The following KRT84 variants were observed in gnomAD, a reference collection of about 807,000 sequenced individuals.
The protein encoded by KRT84 is keratin 84, also known as keratin, type II cuticular Hb4.
Under a neutral mutation model 49.0 loss-of-function variants are expected in KRT84, and 38 were observed. The ratio of observed to expected loss-of-function variants is 0.78; its 90% CI spans 0.60 to 1.02. KRT84 has a LOEUF of 1.02. Among genes scored for constraint, KRT84 ranks in the 50% least tolerant of loss-of-function variants. The probability of loss-of-function intolerance (pLI) is 0.00; values close to 1 mark genes in which losing one functional copy is unlikely to be tolerated. For missense variants in KRT84, 860 were observed against 788.6 expected, an observed-to-expected ratio of 1.09 and a Z score of -1.08; for synonymous variants, 334 against 312.8, an observed-to-expected ratio of 1.07 and a Z score of -0.72.
chr12:52,385,942 G>T (rs1009597206), upstream of KRT84, among the ~76,000 whole-genome samples: 21 of 152,072 alleles, frequency 1.4e-4, no homozygotes, highest in African/African-American at 4.3e-4. Flanking sequence ...ACATTAATTT[G>T]CTTTGGTCAT....
rs751052503 is a variant in KRT84, at chr12:52,381,355, G to C, written c.1077+6C>G. 3.6e-5 allele frequency: 58 copies of C among 1,614,024 alleles called. No homozygotes were observed. Among genetic ancestry groups the C allele is most frequent in the Non-Finnish European group, 4.6e-5 (54 of 1,180,026 alleles). ...CTACATCCCTTCCCCAGCCTCCACT[G>C]CCCACCTTGGTCTGGTACCAGGCCT... On this transcript the variant is annotated splice_donor_region_variant and intron_variant, in intron 5 of 8. Coordinates refer to ENST00000257951, the MANE Select transcript of KRT84 (RefSeq NM_033045.4).
In KRT84 at chr12:52,384,834, C is replaced by T. The variant is rs572906019; in HGVS notation, c.546+206G>A. Among the ~76,000 whole-genome samples the T allele has an allele frequency of 3.9e-5, 6 of 152,312 alleles. No homozygotes were observed. The East Asian group carries it at 1.2e-3, about 29-fold the overall frequency. The stretch of plus-strand genomic sequence containing the variant: ...ATATCAACACTGTCGGAATCTATCC[C>T]ACCATGCAGCTCGTCCTCTGGCTTG... On this transcript the variant is annotated intron_variant, in intron 1 of 8. Transcript: ENST00000257951.
chr12:52,383,729 T>TA lies in KRT84; in HGVS notation c.615dup (p.Ile206TyrfsTer26), dbSNP rs1565776513. ...AAGAGTGGCTCCAGATTGCTCCTGA[T>TA]ACATTTCTGCTCTTGGAGGAAGCTC... On this transcript the variant is annotated frameshift_variant, in exon 2 of 9. Transcript: ENST00000257951. LOFTEE classifies it high-confidence loss of function. 5 of 1,613,324 alleles carry TA rather than the reference T, an allele frequency of 3.1e-6. No homozygotes were observed. Among genetic ancestry groups the TA allele is most frequent in the Middle Eastern group, 3.3e-4 (2 of 6,076 alleles).
intron 8 of KRT84, among the ~76,000 whole-genome samples, chr12:52,378,660 A>G (rs974573034): frequency 6.6e-6 from 1 of 152,242 alleles, no homozygotes; most frequent in African/African-American, 2.4e-5. Flanking sequence ...ACTGTCATTT[A>G]TATACGGCTA....
chr12:52,378,244 G>T lies in KRT84; in HGVS notation c.1593C>A (p.Gly531=), dbSNP rs185530951. Reference sequence around the variant, plus strand: ...CGACCCGGGCTCCACCCAGGCTGGGGCCACAGGAAGCCAGGACCCCACTGG... The same window carrying T: ...CGACCCGGGCTCCACCCAGGCTGGGTCCACAGGAAGCCAGGACCCCACTGG... ...CATSGVLASC[G]PSLGGARVAP... The change falls in exon 9 of 9, where the codon GGC becomes GGA. Residue 531 remains glycine (G), a synonymous_variant. Transcript: ENST00000257951. The T allele has an allele frequency of 3.4e-4, 531 of 1,560,914 alleles. 2 individuals carry two copies. Among genetic ancestry groups the T allele is most frequent in the Admixed American group, 1.4e-3 (72 of 53,256 alleles).
chr12:52,383,645 G>A lies in KRT84; in HGVS notation c.700C>T (p.Arg234Trp), dbSNP rs60333022. ...AGGTGGTTCCTCTCAGCCTGGAGCC[G>A]GGCCTGATCACTGACCAGCACCTCC... The part of the protein sequence containing the change: ...QLEVLVSDQA[R>W]LQAERNHLQD... The change falls in exon 2 of 9, where the codon CGG (arginine) becomes TGG (tryptophan). Residue 234 changes from arginine to tryptophan, a missense_variant. Physicochemically the swap from Arg to Trp is moderately radical, Grantham distance 101. Transcript: ENST00000257951. 4.3e-5 allele frequency: 69 copies of A among 1,613,986 alleles called. No individual in the cohort carries two copies. The African/African-American group carries it at 6.5e-4, about 15-fold the overall frequency.
chr12:52,385,661 T>A (rs1939563913), upstream of KRT84: 2 of 1,397,730 alleles, frequency 1.4e-6, no homozygotes, highest in Non-Finnish European at 2.0e-6. Context: ...CTGAGGCCAG[T>A]GGAACCCTTG....
chr12:52,379,211 T>A (rs1939438238), intron 8 of KRT84, among the ~76,000 whole-genome samples: 1 of 152,218 alleles, frequency 6.6e-6, no homozygotes, highest in Admixed American at 6.5e-5. Context: ...GAGTCAGAAA[T>A]CTGGGTTTGA....
intron 8 of KRT84, 97 bp downstream of exon 8, chr12:52,379,779 G>C (rs1939447516): frequency 1.0e-6 from 1 of 980,862 alleles, no homozygotes. Flanking sequence ...GGCCAGACCG[G>C]CCATGTCGGA....
At chr12:52,383,200 C>T in intron 2 of KRT84, 135 bp from the exon 3 acceptor site, 1 of 716,284 alleles carries the variant, frequency 1.4e-6, no homozygotes, top group Admixed American at 2.0e-5. Flanking sequence ...AATGCTATAA[C>T]ATCATCCCCT....
At chr12:52,379,266 T>C (rs1939438964) in intron 8 of KRT84, among the ~76,000 whole-genome samples, 1 of 152,240 alleles carries the variant, frequency 6.6e-6, no homozygotes, top group South Asian at 2.1e-4. Context: ...GTACTTTCTC[T>C]GAGTGGGCAA....
intron 8 of KRT84, among the ~76,000 whole-genome samples, chr12:52,379,544 G>A (rs1292640924): frequency 1.3e-5 from 2 of 152,208 alleles, no homozygotes; most frequent in African/African-American, 2.4e-5. Flanking sequence ...CCTGGCAGAG[G>A]CGTCCCATTC....
chr12:52,378,968 G>C (rs1939434557), intron 8 of KRT84, among the ~76,000 whole-genome samples: 1 of 151,864 alleles, frequency 6.6e-6, no homozygotes, highest in African/African-American at 2.4e-5. Flanking sequence ...TCCATGGAGG[G>C]GTACACTCTT....
At chr12:52,380,150 G>T (rs1299306694) in intron 7 of KRT84, among the ~76,000 whole-genome samples, 1 of 152,174 alleles carries the variant, frequency 6.6e-6, no homozygotes, top group African/African-American at 2.4e-5. Flanking sequence ...AATGATTCTG[G>T]TGCAGCTTAT....
Position 52,383,727 on chromosome 12 carries a change from G to T in KRT84, c.618C>A (p.Ile206=). The part of the protein sequence containing the change: ...KWSFLQEQKC[I]RSNLEPLFES... ...CGAAGAGTGGCTCCAGATTGCTCCT[G>T]ATACATTTCTGCTCTTGGAGGAAGC... is the stretch of plus-strand genomic sequence containing the variant. Residue 206 remains isoleucine, a synonymous_variant, in exon 2 of 9, where the codon ATC becomes ATA. Coordinates refer to ENST00000257951, the MANE Select transcript of KRT84 (RefSeq NM_033045.4). The T allele has an allele frequency of 1.2e-6, 2 of 1,614,116 alleles. No individual in the cohort carries two copies. Among genetic ancestry groups the T allele is most frequent in the African/African-American group, 2.7e-5 (2 of 75,014 alleles).
rs1053924327 is a variant in KRT84 at position 52,380,653 on chromosome 12, G to A, written c.1204-70C>T. On this transcript the variant is annotated intron_variant, in intron 6 of 8. Transcript: ENST00000257951. The stretch of plus-strand genomic sequence containing the variant: ...CATCCCCAGGTTGGGTTAGAAACAC[G>A]GCCCCTCTTAGTGGGAACATAGCCT... 326 of 1,445,422 alleles carry A rather than the reference G, an allele frequency of 2.3e-4. 1 individual carries two copies. The highest frequency in any genetic ancestry group is 3.3e-4 in the Admixed American group (16 of 48,402). The allele number at this position is 1,445,422 out of a possible 1,614,324, so 89.5% of individuals were successfully genotyped here. A position where few individuals can be genotyped will look rare whatever the true frequency, so the allele number is the denominator to read the frequency against.
chr12:52,383,772 C>G lies in KRT84; in HGVS notation c.573G>C (p.Lys191Asn). The change falls in exon 2 of 9, where the codon AAG (lysine) becomes AAC (asparagine). Residue 191 changes from lysine (K) to asparagine (N), a missense_variant. Physicochemically the swap from Lys to Asn is moderately conservative, Grantham distance 94. Coordinates refer to ENST00000257951, the MANE Select transcript of KRT84 (RefSeq NM_033045.4). ...GGAAGCTCCACTTGGTCTCTAGGAG[C>G]TTATTCTGCTGCTCTAGGAACCGAA... Reference protein sequence around the residue: ...DKVRFLEQQNKLLETKWSFLQ... With the variant: ...DKVRFLEQQNNLLETKWSFLQ... The G allele has an allele frequency of 6.2e-7, 1 of 1,613,570 alleles. No individual in the cohort carries two copies. The highest frequency in any genetic ancestry group is 8.5e-7 in the Non-Finnish European group (1 of 1,179,672).
chr12:52,382,322 G>C, intron 4 of KRT84, 115 bp downstream of exon 4: 1 of 705,198 alleles, frequency 1.4e-6, no homozygotes, highest in Non-Finnish European at 2.5e-6. Flanking sequence ...ATTTGAGTGA[G>C]AGGAAAGATA....
rs767967517 is a variant in KRT84 at position 52,385,618 on chromosome 12, T to C, written c.-33A>G. 6.3e-7 allele frequency: 1 copy of C among 1,596,038 alleles called. No individual in the cohort carries two copies. The highest frequency in any genetic ancestry group is 8.5e-7 in the Non-Finnish European group (1 of 1,170,208). Reference sequence around the variant, plus strand: ...TCCTGGTTGGGAGCAAAAGAGCAAGTGTAGAATGGGTGAGCTGGAGCTGGG... The same window carrying C: ...TCCTGGTTGGGAGCAAAAGAGCAAGCGTAGAATGGGTGAGCTGGAGCTGGG... On this transcript the variant is annotated 5_prime_UTR_variant, in exon 1 of 9. Transcript: ENST00000257951.
Sources: allele counts gnomAD v4.1 joint callset (sites outside exome capture counted in the v4.1 genomes callset), GRCh38; gene constraint gnomAD v4.1.1; transcripts MANE v1.5; gene names NCBI Gene and HGNC (gene_info 2026-07-23, HGNC 2026-07-21).